The following PSIP1 variants were observed in gnomAD, a reference collection of about 807,000 sequenced individuals.
PSIP1 encodes the protein PC4 and SRSF1 interacting protein 1, also known as PC4 and SFRS1-interacting protein.
Under a neutral mutation model 74.7 loss-of-function variants are expected in PSIP1, and 19 were observed. That is an observed-to-expected ratio of 0.25 (90% confidence interval 0.18 to 0.37). The LOEUF (loss-of-function observed/expected upper bound fraction) is 0.37, where lower values mean the gene tolerates loss of function less well. PSIP1 is among the 10% of genes least tolerant of loss of function. PSIP1 has a pLI of 1.00. For missense variants in PSIP1, 601 were observed against 614.3 expected (o/e 0.98, Z 0.23); for synonymous variants, 222 against 195.3 (o/e 1.14, Z -1.14).
In PSIP1 at chr9:15,472,389, T is replaced by C. The variant is rs1431225353; in HGVS notation, c.977+243A>G. ...CAAAGCCAGTATCAATTAAATCCTA[T>C]CTGCACTTCGTTTAAATTCAAAAAT... On this transcript the variant is annotated intron_variant, in intron 10 of 15. Transcript: ENST00000380733. 5 of 1,313,362 alleles carry C rather than the reference T, an allele frequency of 3.8e-6. No homozygotes were observed. The African/African-American group carries it at 6.2e-5, about 16-fold the overall frequency. 81.4% of individuals were successfully genotyped at this position (1,313,362 alleles called of 1,614,324 possible).
intron 6 of PSIP1, among the ~76,000 whole-genome samples, chr9:15,480,125 C>G (rs906878018): frequency 6.6e-6 from 1 of 152,152 alleles, no homozygotes; most frequent in Non-Finnish European, 1.5e-5. Flanking sequence ...AGTAAGGAAT[C>G]CACTGACCAT....
In PSIP1 at chr9:15,464,396, A is replaced by C. The variant is rs904677033; in HGVS notation, c.*1124T>G. 3.6e-5 allele frequency: 7 copies of C among 196,100 alleles called. No homozygotes were observed. The highest frequency in any genetic ancestry group is 7.4e-5 in the Non-Finnish European group (7 of 94,552). 12.1% of individuals were successfully genotyped at this position (196,100 alleles called of 1,614,324 possible). On this transcript the variant is annotated 3_prime_UTR_variant, in exon 16 of 16. Transcript: ENST00000380733. ...CTGAGAAGTGCCAAATGACCCTAATATTCAAAATATCTTAGAAATGCTATC... is the reference window on the plus strand; with the variant it reads ...CTGAGAAGTGCCAAATGACCCTAATCTTCAAAATATCTTAGAAATGCTATC...
In PSIP1 at chr9:15,510,264, G is replaced by A. The variant is rs1336534741; in HGVS notation, c.-76C>T. 2.8e-6 allele frequency: 4 copies of A among 1,409,224 alleles called. No individual in the cohort carries two copies. Among genetic ancestry groups the A allele is most frequent in the East Asian group, 2.5e-5 (1 of 39,862 alleles). The allele number at this position is 1,409,224 out of a possible 1,614,324, so 87.3% of individuals were successfully genotyped here. A position where few individuals can be genotyped will look rare whatever the true frequency, so the allele number is the denominator to read the frequency against. On this transcript the variant is annotated 5_prime_UTR_variant, in exon 2 of 16. Coordinates refer to ENST00000380733, the MANE Select transcript of PSIP1 (RefSeq NM_033222.5). ...GCGGCGGCGCGGGGATGCGGGCGGC[G>A]GACGCGGGCCCAGCTACCGGGCCCG...
At chr9:15,481,469 T>A (rs779752295) in intron 6 of PSIP1, among the ~76,000 whole-genome samples, 2 of 152,168 alleles carry the variant, frequency 1.3e-5, no homozygotes, top group African/African-American at 2.4e-5. Context: ...AGGCTGGGGC[T>A]AGCAGATCAC....
At position 15,486,854 on chromosome 9, in the gene PSIP1, G is replaced by A. The variant is rs773528553; in HGVS notation, c.366C>T (p.Thr122=). The part of the protein sequence containing the change: ...EKETSVSKED[T]DHEEKASNED... ...CATTGCTGGCTTTTTCTTCATGGTC[G>A]GTATCTTCCTTTGAAACACTAGTTT... is the stretch of plus-strand genomic sequence containing the variant. Residue 122 remains threonine (T), a synonymous_variant, in exon 5 of 16, where the codon ACC becomes ACT. Transcript: ENST00000380733. 2.0e-5 allele frequency: 32 copies of A among 1,608,412 alleles called. No individual in the cohort carries two copies. Among genetic ancestry groups the A allele is most frequent in the South Asian group, 4.4e-5 (4 of 90,294 alleles).
rs1587498917 is a variant in PSIP1 at position 15,486,216 on chromosome 9, T to G, written c.394-148A>C. Reference sequence around the variant, plus strand: ...TAGAGTTCTGAAATTAAAAACATTGTGTCTCAACATTATAAAGTGAGAAAA... The same window carrying G: ...TAGAGTTCTGAAATTAAAAACATTGGGTCTCAACATTATAAAGTGAGAAAA... On this transcript the variant is annotated intron_variant, in intron 5 of 15. Transcript: ENST00000380733. 6 of 573,964 alleles carry G rather than the reference T, an allele frequency of 1.0e-5. No individual in the cohort carries two copies. The East Asian group carries it at 1.8e-4, about 17-fold the overall frequency. 35.6% of individuals were successfully genotyped at this position (573,964 alleles called of 1,614,324 possible). A position where few individuals can be genotyped will look rare whatever the true frequency, so the allele number is the denominator to read the frequency against.
chr9:15,503,994 T>C (rs144556622), intron 3 of PSIP1, among the ~76,000 whole-genome samples: 2,082 of 152,228 alleles, frequency 0.014, 40 homozygotes, highest in African/African-American at 0.048. Flanking sequence ...ATCCGCCCGC[T>C]TCAGCCTCCC....
chr9:15,475,576 G>A (rs929396089), intron 8 of PSIP1, among the ~76,000 whole-genome samples: 3 of 152,048 alleles, frequency 2.0e-5, no homozygotes, highest in Admixed American at 2.0e-4. Flanking sequence ...TTTTAAAATC[G>A]TCTATCCATA....
chr9:15,478,106 G>C (rs149101344), intron 8 of PSIP1, among the ~76,000 whole-genome samples: 4 of 139,712 alleles, frequency 2.9e-5, no homozygotes, highest in South Asian at 4.4e-4. Flanking sequence ...CAGCCTGGGC[G>C]ACAGAGTGAA....
At position 15,510,194 on chromosome 9, in the gene PSIP1, G is replaced by A. The variant is rs1350499918; in HGVS notation, c.-6C>T. ...GGTTTGAAATCGCGAGTCATGTTTC[G>A]GGGGCGAGACCGGGGGTCCGAAGCC... On this transcript the variant is annotated 5_prime_UTR_variant, in exon 2 of 16. Transcript: ENST00000380733. 3 of 1,603,248 alleles carry A rather than the reference G, an allele frequency of 1.9e-6. No homozygotes were observed. Among genetic ancestry groups the A allele is most frequent in the East Asian group, 2.3e-5 (1 of 43,702 alleles).
chr9:15,478,565 T>TG lies in PSIP1; in HGVS notation c.554-14dup. On this transcript the variant is annotated splice_polypyrimidine_tract_variant and intron_variant, in intron 7 of 15. Coordinates refer to ENST00000380733, the MANE Select transcript of PSIP1 (RefSeq NM_033222.5). ...TTGACTTCTGTAGCTAATATACACA[T>TG]GGAAAAAAAATCAGTAACTACTAGT... 1 of 1,560,372 alleles carries TG rather than the reference T, an allele frequency of 6.4e-7. No individual in the cohort carries two copies. Among genetic ancestry groups the TG allele is most frequent in the Non-Finnish European group, 8.8e-7 (1 of 1,132,732 alleles).
intron 3 of PSIP1, among the ~76,000 whole-genome samples, chr9:15,502,571 A>C (rs748046315): frequency 2.6e-5 from 4 of 152,220 alleles, no homozygotes; most frequent in Non-Finnish European, 1.5e-5. Context: ...AGTGTGCCCA[A>C]CTTAGGACAT....
intron 8 of PSIP1, among the ~76,000 whole-genome samples, chr9:15,478,120 C>G (rs570447543): frequency 2.0e-4 from 29 of 144,848 alleles, no homozygotes; most frequent in African/African-American, 7.6e-4. Flanking sequence ...GAGTGAAACC[C>G]CATCTTTAAA....
rs1290163641 is a variant in PSIP1, at chr9:15,510,257, G to C, written c.-69C>G. ...AGGAGATGCGGCGGCGCGGGGATGCGGGCGGCGGACGCGGGCCCAGCTACC... is the reference window on the plus strand; with the variant it reads ...AGGAGATGCGGCGGCGCGGGGATGCCGGCGGCGGACGCGGGCCCAGCTACC... On this transcript the variant is annotated 5_prime_UTR_variant, in exon 2 of 16. Transcript: ENST00000380733. The C allele has an allele frequency of 2.0e-6, 3 of 1,475,028 alleles. No homozygotes were observed. The highest frequency in any genetic ancestry group is 1.4e-5 in the African/African-American group (1 of 69,068). 91.4% of individuals were successfully genotyped at this position (1,475,028 alleles called of 1,614,324 possible).
chr9:15,488,919 G>A (rs868209582), intron 4 of PSIP1, among the ~76,000 whole-genome samples: 1 of 152,202 alleles, frequency 6.6e-6, no homozygotes, highest in African/African-American at 2.4e-5. Context: ...TACTCGGAAG[G>A]CTGAGGCAGG....
At chr9:15,506,411 CCTTAA>C in intron 3 of PSIP1, 145 bp downstream of exon 3, 1 of 510,200 alleles carries the variant, frequency 2.0e-6, no homozygotes, top group African/African-American at 1.9e-5. Flanking sequence ...GTAAACGCTA[CCTTAA>C]AAATAGAGAC....
At chr9:15,481,059 C>G (rs2036314561) in intron 6 of PSIP1, among the ~76,000 whole-genome samples, 1 of 152,218 alleles carries the variant, frequency 6.6e-6, no homozygotes, top group Non-Finnish European at 1.5e-5. Context: ...TAAAACTCAT[C>G]TAAGGTAACC....
In PSIP1 at chr9:15,468,686, T is replaced by G. The variant is rs1276964753; in HGVS notation, c.1364A>C (p.Lys455Thr). The G allele has an allele frequency of 6.2e-7, 1 of 1,614,164 alleles. No homozygotes were observed. The highest frequency in any genetic ancestry group is 1.7e-5 in the Admixed American group (1 of 60,026). ...AEQRQHEEANKTKDQGKKGPN... is the reference protein window; with the variant it reads ...AEQRQHEEANTTKDQGKKGPN... ...CCCTTTCTTCCCTTGATCTTTGGTTTTATTCGCTTCCTCATGCTGTCTTTG... is the reference window on the plus strand; with the variant it reads ...CCCTTTCTTCCCTTGATCTTTGGTTGTATTCGCTTCCTCATGCTGTCTTTG... Residue 455 changes from lysine (K) to threonine (T), a missense_variant, in exon 14 of 16, where the codon AAA (lysine) becomes ACA (threonine). Transcript: ENST00000380733.
intron 3 of PSIP1, among the ~76,000 whole-genome samples, chr9:15,494,815 C>T (rs1185262777): frequency 6.6e-6 from 1 of 152,094 alleles, no homozygotes; most frequent in African/African-American, 2.4e-5. Context: ...TACTAGACAT[C>T]ATTAATTCCT....
Sources: gnomAD v4.1 joint callset for allele counts (sites outside exome capture counted in the v4.1 genomes callset) on GRCh38, gnomAD v4.1.1 for gene constraint, MANE v1.5 for transcripts, NCBI Gene and HGNC (gene_info 2026-07-23, HGNC 2026-07-21) for gene names.